TENM1: variants seen among roughly 807,000 people sequenced by gnomAD.
TENM1 encodes teneurin-1.
In TENM1, 35 loss-of-function variants were observed where a neutral mutation model predicts 174.8. The observed-to-expected ratio is 0.20, with a 90% CI of 0.15 to 0.27. TENM1 has a LOEUF of 0.27. TENM1 is among the 10% of genes least tolerant of loss of function. The probability of loss-of-function intolerance (pLI) is 1.00; values close to 1 mark genes in which losing one functional copy is unlikely to be tolerated. For synonymous variants in TENM1, 781 were observed against 798.7 expected (o/e 0.98, Z 0.37); for missense variants, 1,633 against 2,130.1 (o/e 0.77, Z 4.59).
chrX:124,881,358 T>C (rs1382946492), intron 3 of TENM1, among the ~76,000 whole-genome samples: 1 of 111,845 alleles, frequency 8.9e-6, no homozygotes, highest in African/African-American at 3.2e-5. Flanking sequence ...TGCATTTCTA[T>C]GATATCAGTT....
intron 3 of TENM1, among the ~76,000 whole-genome samples, chrX:124,751,372 A>G (rs989661662): frequency 8.9e-6 from 1 of 111,824 alleles, no homozygotes; most frequent in Non-Finnish European, 1.9e-5. Context: ...CTCTAAATAC[A>G]TGTTAGATTA....
At chrX:125,078,510 G>A in the TENM1 span, among the ~76,000 whole-genome samples, 1 of 110,974 alleles carries the variant, frequency 9.0e-6, no homozygotes, top group Non-Finnish European at 1.9e-5. Flanking sequence ...TGAGAAATAG[G>A]TGTTATTATA....
intron 11 of TENM1, among the ~76,000 whole-genome samples, chrX:124,580,353 T>C (rs1290297232): frequency 9.0e-6 from 1 of 111,217 alleles, no homozygotes; most frequent in East Asian, 2.8e-4. Flanking sequence ...AGCCATGTGC[T>C]GAAAGGTAAA....
intron 4 of TENM1, among the ~76,000 whole-genome samples, chrX:124,727,386 T>G (rs2053465366): frequency 8.9e-6 from 1 of 112,146 alleles, no homozygotes; most frequent in African/African-American, 3.2e-5. Flanking sequence ...AACCAACACT[T>G]GGCCAAAAAT....
chrX:124,471,184 A>ATAATACT (rs1490053382), intron 22 of TENM1, among the ~76,000 whole-genome samples: 3 of 70,994 alleles, frequency 4.2e-5, no homozygotes, highest in African/African-American at 1.6e-4. Context: ...AGTACTATAT[A>ATAATACT]ATATATATTA....
At chrX:125,088,313 G>A in the TENM1 span, among the ~76,000 whole-genome samples, 60 of 111,164 alleles carry the variant, frequency 5.4e-4, no homozygotes, top group African/African-American at 1.7e-3. Flanking sequence ...CTAAGGATAC[G>A]TAACAACTAA....
chrX:124,695,802 AT>A (rs202163502), intron 5 of TENM1, among the ~76,000 whole-genome samples: 2,848 of 108,617 alleles, frequency 0.026, 33 homozygotes, highest in African/African-American at 0.041. Flanking sequence ...AAATTGAGGG[AT>A]TTTTTTTTTC....
chrX:124,680,955 T>C (rs981462581), intron 5 of TENM1, among the ~76,000 whole-genome samples: 4 of 111,271 alleles, frequency 3.6e-5, no homozygotes, highest in Non-Finnish European at 7.6e-5. Flanking sequence ...CTTGTGACTA[T>C]AGAGAGTAAG....
intron 20 of TENM1, among the ~76,000 whole-genome samples, chrX:124,496,507 G>A (rs1463283769): frequency 9.0e-6 from 1 of 111,537 alleles, no homozygotes; most frequent in Non-Finnish European, 1.9e-5. Flanking sequence ...ATTATCATGG[G>A]GTAGGGCTTT....
intron 11 of TENM1, among the ~76,000 whole-genome samples, chrX:124,612,209 GTGTC>G (rs1443290093): frequency 9.0e-6 from 1 of 111,165 alleles, no homozygotes; most frequent in Non-Finnish European, 1.9e-5. Flanking sequence ...CAAGGTGTGT[GTGTC>G]TGTGTGTGTG....
chrX:125,052,518 T>G, the TENM1 span, among the ~76,000 whole-genome samples: 2 of 111,647 alleles, frequency 1.8e-5, no homozygotes, highest in African/African-American at 6.5e-5. Flanking sequence ...AAAACCTTGC[T>G]TACCCTCTTG....
Position 124,775,836 on chromosome X carries a change from T to G in TENM1, c.536-38639A>C, listed in dbSNP as rs1236166536. On this transcript the variant is annotated intron_variant, in intron 3 of 31. Coordinates refer to ENST00000422452, the Ensembl canonical transcript of TENM1. ...TTGGAACCCTGCAGGTCCACTTACA[T>G]GCTGATTTTTAAAACACAGATAGAA... Among the ~76,000 whole-genome samples, 2 of 111,563 alleles carry G rather than the reference T, an allele frequency of 1.8e-5. 1 individual carries two copies. The highest frequency in any genetic ancestry group is 3.8e-5 in the Non-Finnish European group (2 of 53,166).
chrX:124,721,230 T>A (rs182001216), intron 4 of TENM1, among the ~76,000 whole-genome samples: 1 of 111,729 alleles, frequency 9.0e-6, no homozygotes, highest in Admixed American at 9.5e-5. Context: ...ATTAAAAATT[T>A]GCAACGGATA....
the TENM1 span, among the ~76,000 whole-genome samples, chrX:125,141,457 A>C: frequency 0.012 from 1,372 of 111,811 alleles, 28 homozygotes; most frequent in African/African-American, 0.042. Flanking sequence ...TTGCCCCTGC[A>C]TTCTGTGAGG....
chrX:125,037,374 T>C, the TENM1 span, among the ~76,000 whole-genome samples: 2,748 of 110,424 alleles, frequency 0.025, 94 homozygotes, highest in African/African-American at 0.085. Flanking sequence ...AACCTTAACT[T>C]GCACTATAAC....
chrX:125,200,648 T>A, the TENM1 span, among the ~76,000 whole-genome samples: 5 of 60,143 alleles, frequency 8.3e-5, no homozygotes, highest in African/African-American at 4.3e-4. Context: ...TGTGTGTGTG[T>A]GTGTGTGAGA....
At chrX:124,865,363 G>A (rs1221564693) in intron 3 of TENM1, among the ~76,000 whole-genome samples, 1 of 111,927 alleles carries the variant, frequency 8.9e-6, no homozygotes, top group African/African-American at 3.2e-5. Context: ...AAGTTAAAAA[G>A]CAGAGGAACA....
the TENM1 span, among the ~76,000 whole-genome samples, chrX:124,980,856 G>A: frequency 9.0e-6 from 1 of 111,357 alleles, no homozygotes; most frequent in Non-Finnish European, 1.9e-5. Context: ...GGGTGATTAT[G>A]AATGATTTTT....
At chrX:124,646,739 G>A (rs1483578327) in exon 9 of TENM1, 2 of 1,206,310 alleles carry the variant, frequency 1.7e-6, no homozygotes, top group African/African-American at 3.5e-5. Context: ...AGGAATCCTG[G>A]GAAACAATGA....
Sources: gnomAD v4.1 joint callset for allele counts (sites outside exome capture counted in the v4.1 genomes callset) on GRCh38, gnomAD v4.1.1 for gene constraint, MANE v1.5 for transcripts, NCBI Gene and HGNC (gene_info 2026-07-23, HGNC 2026-07-21) for gene names.